ANKRD31: variants seen among roughly 807,000 people sequenced by gnomAD.
The protein encoded by ANKRD31 is ankyrin repeat domain-containing protein 31.
Under a neutral mutation model 186.0 loss-of-function variants are expected in ANKRD31, and 147 were observed. The ratio of observed to expected loss-of-function variants is 0.79; its 90% CI spans 0.69 to 0.91. The LOEUF (loss-of-function observed/expected upper bound fraction) is 0.91. Ranked by LOEUF, ANKRD31 falls within the 40% of genes least tolerant of loss-of-function variation. The pLI is 0.00. For missense variants in ANKRD31, 1,986 were observed against 2,148.8 expected, an observed-to-expected ratio of 0.92 and a Z score of 1.50; for synonymous variants, 673 against 736.4, an observed-to-expected ratio of 0.91 and a Z score of 1.39.
At chr5:75,193,836 G>A (rs1755283256) in intron 7 of ANKRD31, among the ~76,000 whole-genome samples, 1 of 152,058 alleles carries the variant, frequency 6.6e-6, no homozygotes, top group Non-Finnish European at 1.5e-5. Context: ...TATTTATCTT[G>A]AAAATTCAAA....
At chr5:75,130,222 T>A (rs1042452872) in intron 17 of ANKRD31, among the ~76,000 whole-genome samples, 3 of 152,154 alleles carry the variant, frequency 2.0e-5, no homozygotes, top group African/African-American at 7.2e-5. Context: ...GGGTTCGTGG[T>A]CTCGCTGGCT....
At chr5:75,093,448 C>T (rs1403925054) in intron 22 of ANKRD31, among the ~76,000 whole-genome samples, 4 of 152,062 alleles carry the variant, frequency 2.6e-5, no homozygotes, top group African/African-American at 9.7e-5. Context: ...CACCACTGCA[C>T]TCCAGCCTGG....
chr5:75,169,412 T>C (rs1351334800), intron 10 of ANKRD31, among the ~76,000 whole-genome samples: 5 of 152,176 alleles, frequency 3.3e-5, no homozygotes, highest in South Asian at 4.1e-4. Context: ...CAGGAGTCAT[T>C]ATCAACTCAA....
At chr5:75,076,760 T>A (rs1246951559) in intron 25 of ANKRD31, among the ~76,000 whole-genome samples, 1 of 152,166 alleles carries the variant, frequency 6.6e-6, no homozygotes, top group Admixed American at 6.5e-5. Flanking sequence ...AAGAGTCGTC[T>A]CATTAGAACA....
intron 10 of ANKRD31, among the ~76,000 whole-genome samples, chr5:75,180,887 T>C (rs1390853172): frequency 6.6e-6 from 1 of 151,988 alleles, no homozygotes; most frequent in Non-Finnish European, 1.5e-5. Context: ...CAAATGGGAT[T>C]TGATTAAACT....
intron 19 of ANKRD31, 105 bp downstream of exon 19, chr5:75,116,461 G>T: frequency 2.3e-6 from 1 of 425,826 alleles, no homozygotes; most frequent in African/African-American, 2.1e-5. Context: ...TTCTATCTTT[G>T]TATCATTAAA....
At chr5:75,136,724 T>C (rs1000981940) in intron 17 of ANKRD31, among the ~76,000 whole-genome samples, 1 of 152,248 alleles carries the variant, frequency 6.6e-6, no homozygotes, top group Non-Finnish European at 1.5e-5. Flanking sequence ...TGTACGTTTA[T>C]TGTGGCACTA....
chr5:75,214,573 T>C (rs1227990475), intron 3 of ANKRD31, among the ~76,000 whole-genome samples: 2 of 152,214 alleles, frequency 1.3e-5, no homozygotes, highest in South Asian at 2.1e-4. Flanking sequence ...CCATGAGCTC[T>C]GGCCTTGCCA....
At chr5:75,156,424 C>T (rs1397835284) in intron 11 of ANKRD31, among the ~76,000 whole-genome samples, 1 of 152,124 alleles carries the variant, frequency 6.6e-6, no homozygotes, top group African/African-American at 2.4e-5. Context: ...TTAAAAATTA[C>T]AGAAAGGTAT....
intron 17 of ANKRD31, among the ~76,000 whole-genome samples, chr5:75,120,809 A>G (rs577332945): frequency 6.6e-6 from 1 of 152,328 alleles, no homozygotes; most frequent in East Asian, 1.9e-4. Context: ...TCCACTTAAA[A>G]GATATAGATA....
chr5:75,111,133 A>C (rs916282735), intron 20 of ANKRD31, among the ~76,000 whole-genome samples: 3 of 151,802 alleles, frequency 2.0e-5, no homozygotes, highest in African/African-American at 7.3e-5. Context: ...AAATTACCAT[A>C]TATATCATGA....
At position 75,105,109 on chromosome 5, in the gene ANKRD31, G is replaced by C; in HGVS notation, c.4450C>G (p.Leu1484Val). Residue 1484 changes from leucine (L) to valine (V), a missense_variant, in exon 22 of 26, where the codon CTG (leucine) becomes GTG (valine). Physicochemically the swap from Leu to Val is conservative, Grantham distance 32. Transcript: ENST00000506364. The stretch of plus-strand genomic sequence containing the variant: ...ACATTCCTACAGTTTTGAATTTTCA[G>C]GCTTATTTTTTTCTGTTTTTTTGCC... ...VVAKKQKKIS[L>V]KIQNCRNVTS... 6.5e-7 allele frequency: 1 copy of C among 1,536,902 alleles called. No individual in the cohort carries two copies. Among genetic ancestry groups the C allele is most frequent in the Non-Finnish European group, 8.7e-7 (1 of 1,146,800 alleles).
intron 22 of ANKRD31, among the ~76,000 whole-genome samples, chr5:75,098,895 C>T (rs767516849): frequency 2.6e-4 from 40 of 152,180 alleles, no homozygotes; most frequent in Non-Finnish European, 4.7e-4. Context: ...ATTTGACTTC[C>T]TCTTTTCCTA....
chr5:75,076,742 G>C (rs1033863871), intron 25 of ANKRD31, among the ~76,000 whole-genome samples: 1 of 151,996 alleles, frequency 6.6e-6, no homozygotes, highest in African/African-American at 2.4e-5. Flanking sequence ...GCTATCTAGG[G>C]GACAGCCAAG....
chr5:75,192,837 T>G (rs942851061), intron 8 of ANKRD31, 61 bp from the exon 9 acceptor site: 8 of 1,224,706 alleles, frequency 6.5e-6, no homozygotes, highest in Admixed American at 4.9e-5. Flanking sequence ...TCACAGAGAA[T>G]TATACCAATT....
intron 25 of ANKRD31, among the ~76,000 whole-genome samples, chr5:75,070,517 C>A (rs1443187755): frequency 6.6e-6 from 1 of 152,150 alleles, no homozygotes; most frequent in African/African-American, 2.4e-5. Flanking sequence ...GGTCTGTAAA[C>A]ATTTTACATT....
intron 1 of ANKRD31, among the ~76,000 whole-genome samples, chr5:75,235,294 G>A (rs1286951733): frequency 2.2e-5 from 3 of 136,306 alleles, no homozygotes; most frequent in African/African-American, 8.4e-5. Flanking sequence ...CGCCCAGGCT[G>A]GAGTGCAGTG....
At chr5:75,130,582 G>A (rs372432016) in intron 17 of ANKRD31, among the ~76,000 whole-genome samples, 39 of 152,156 alleles carry the variant, frequency 2.6e-4, no homozygotes, top group African/African-American at 9.2e-4. Context: ...GCTGATTGGT[G>A]CATTTACAAT....
At chr5:75,100,139 T>A (rs1036901557) in intron 22 of ANKRD31, among the ~76,000 whole-genome samples, 18 of 152,230 alleles carry the variant, frequency 1.2e-4, no homozygotes, top group Non-Finnish European at 2.4e-4. Flanking sequence ...TTCTCATTGG[T>A]TTCCAAGAAC....
Sources: allele counts gnomAD v4.1 joint callset (sites outside exome capture counted in the v4.1 genomes callset), GRCh38; gene constraint gnomAD v4.1.1; transcripts MANE v1.5; gene names NCBI Gene and HGNC (gene_info 2026-07-23, HGNC 2026-07-21).